CTNS: variants seen among roughly 807,000 people sequenced by gnomAD.
The protein encoded by CTNS is cystinosin, lysosomal cystine transporter.
In CTNS, 27 loss-of-function variants were observed where a neutral mutation model predicts 43.7. That is an observed-to-expected ratio of 0.62 (90% confidence interval 0.46 to 0.85). The LOEUF (loss-of-function observed/expected upper bound fraction) is 0.85, where lower values mean the gene tolerates loss of function less well. Among genes scored for constraint, CTNS ranks in the 40% least tolerant of loss-of-function variants. The pLI is 0.00. For missense variants in CTNS, 457 were observed against 475.4 expected (o/e 0.96, Z 0.36); for synonymous variants, 187 against 190.6 (o/e 0.98, Z 0.16).
chr17:3,652,824 CAT>C (rs1355733271), intron 5 of CTNS, among the ~76,000 whole-genome samples: 14 of 152,286 alleles, frequency 9.2e-5, no homozygotes, highest in African/African-American at 3.1e-4. Context: ...AGGAGTGGCA[CAT>C]GTTATGAAGA....
At chr17:3,655,484 TCC>T in intron 7 of CTNS, 132 bp downstream of exon 7, 24 of 1,407,820 alleles carry the variant, frequency 1.7e-5, no homozygotes, top group Non-Finnish European at 2.4e-5. Context: ...CAGAAAGTTG[TCC>T]CAGTGCGAAG....
intron 3 of CTNS, among the ~76,000 whole-genome samples, chr17:3,641,845 A>G (rs1256149236): frequency 6.6e-6 from 1 of 152,158 alleles, no homozygotes; most frequent in Non-Finnish European, 1.5e-5. Context: ...TTGTTAAACA[A>G]TCAGTAATGT....
chr17:3,658,229 T>C (rs1446714693), intron 10 of CTNS, 54 bp downstream of exon 10: 2 of 1,604,560 alleles, frequency 1.2e-6, no homozygotes, highest in Non-Finnish European at 1.7e-6. Context: ...GAGAGCTACA[T>C]GGCCCAGGCC....
In CTNS at chr17:3,661,023, G is replaced by T. The variant is rs886052870; in HGVS notation, c.*654G>T. 3 of 482,316 alleles carry T rather than the reference G, an allele frequency of 6.2e-6. No homozygotes were observed. Among genetic ancestry groups the T allele is most frequent in the African/African-American group, 3.9e-5 (2 of 51,386 alleles). The allele number at this position is 482,316 out of a possible 1,614,324, so 29.9% of individuals were successfully genotyped here. On this transcript the variant is annotated 3_prime_UTR_variant, in exon 12 of 12. Coordinates refer to ENST00000046640, the MANE Select transcript of CTNS (RefSeq NM_004937.3). ...GATTCATGCCCAGCGCATTAGCATA[G>T]TAACTCCTTTCAGATTTTTTGGAGG... is the stretch of plus-strand genomic sequence containing the variant.
At chr17:3,652,121 C>T (rs540037833) in intron 5 of CTNS, among the ~76,000 whole-genome samples, 10 of 152,170 alleles carry the variant, frequency 6.6e-5, no homozygotes, top group African/African-American at 9.7e-5. Context: ...CTCTACTACC[C>T]GTGATGCTGG....
At chr17:3,657,722 G>T (rs368150635) in intron 9 of CTNS, 7 of 521,112 alleles carry the variant, frequency 1.3e-5, no homozygotes, top group African/African-American at 3.8e-5. Flanking sequence ...GAACAAAGCA[G>T]ACAGAGCTTG....
At chr17:3,651,667 T>C (rs2075985648) in intron 5 of CTNS, among the ~76,000 whole-genome samples, 1 of 151,978 alleles carries the variant, frequency 6.6e-6, no homozygotes, top group African/African-American at 2.4e-5. Context: ...GTTCAGTTTT[T>C]AAAAAAGTCT....
At chr17:3,647,267 T>C (rs1287184202) in intron 3 of CTNS, among the ~76,000 whole-genome samples, 177 bp from the exon 4 acceptor site, 1 of 152,206 alleles carries the variant, frequency 6.6e-6, no homozygotes, top group Non-Finnish European at 1.5e-5. Flanking sequence ...TCTCTGTCTC[T>C]GGCAGCAGGT....
chr17:3,649,471 G>A (rs887436806), intron 5 of CTNS, among the ~76,000 whole-genome samples: 179 of 145,458 alleles, frequency 1.2e-3, no homozygotes, highest in Non-Finnish European at 2.3e-3. Flanking sequence ...AAAAAAAAAA[G>A]TTCTTACAAT....
rs550375830 is a variant in CTNS, at chr17:3,640,218, T to C, written c.12T>C (p.Asn4=). Residue 4 remains asparagine (N), a synonymous_variant, in exon 3 of 12, where the codon AAT becomes AAC. Coordinates refer to ENST00000046640, the MANE Select transcript of CTNS (RefSeq NM_004937.3). MIR[N]WLTIFILFPL... ...AGAAATCGAGAAACATGATAAGGAA[T>C]TGGCTGACTATTTTTATCCTTTTTC... The C allele has an allele frequency of 5.6e-6, 9 of 1,614,098 alleles. No individual in the cohort carries two copies. Among genetic ancestry groups the C allele is most frequent in the Non-Finnish European group, 7.6e-6 (9 of 1,179,916 alleles).
At chr17:3,642,064 CGT>C (rs139025469) in intron 3 of CTNS, among the ~76,000 whole-genome samples, 42 of 139,802 alleles carry the variant, frequency 3.0e-4, no homozygotes, top group East Asian at 8.4e-4. Context: ...TGTACCCGGG[CGT>C]GTGTGTGTGT....
At chr17:3,649,523 A>G (rs561225991) in intron 5 of CTNS, among the ~76,000 whole-genome samples, 20 of 152,166 alleles carry the variant, frequency 1.3e-4, no homozygotes, top group African/African-American at 4.1e-4. Flanking sequence ...AGGACCAGAG[A>G]ATTGGGCTTC....
At chr17:3,648,478 C>A (rs1199587455) in intron 4 of CTNS, among the ~76,000 whole-genome samples, 1 of 152,226 alleles carries the variant, frequency 6.6e-6, no homozygotes, top group Non-Finnish European at 1.5e-5. Context: ...TGCCTGAGCC[C>A]TCTCCTCCTT....
At position 3,661,645 on chromosome 17, in the gene CTNS, C is replaced by T. The variant is rs948475343; in HGVS notation, c.*1276C>T. ...CATAAGGTTGTGAAGGTCACTGACC[C>T]GAGAGCGCTGCGTGCTGACCCCACA... On this transcript the variant is annotated 3_prime_UTR_variant, in exon 12 of 12. Coordinates refer to ENST00000046640, the MANE Select transcript of CTNS (RefSeq NM_004937.3). 4.6e-5 allele frequency: 7 copies of T among 152,260 alleles called. No homozygotes were observed. The highest frequency in any genetic ancestry group is 1.2e-4 in the African/African-American group (5 of 41,464). The allele number at this position is 152,260 out of a possible 1,614,324, so 9.4% of individuals were successfully genotyped here.
intron 5 of CTNS, among the ~76,000 whole-genome samples, chr17:3,653,134 G>A (rs961776200): frequency 7.2e-5 from 11 of 152,186 alleles, no homozygotes; most frequent in Non-Finnish European, 1.2e-4. Flanking sequence ...TCGGAAGGCC[G>A]GGCATGGTGG....
Position 3,661,019 on chromosome 17 carries a change from C to G in CTNS, c.*650C>G. 1 of 490,144 alleles carries G rather than the reference C, an allele frequency of 2.0e-6. No homozygotes were observed. Among genetic ancestry groups the G allele is most frequent in the Non-Finnish European group, 3.7e-6 (1 of 268,102 alleles). The allele number at this position is 490,144 out of a possible 1,614,324, so 30.4% of individuals were successfully genotyped here. A position where few individuals can be genotyped will look rare whatever the true frequency, so the allele number is the denominator to read the frequency against. The stretch of plus-strand genomic sequence containing the variant: ...ATTGGATTCATGCCCAGCGCATTAG[C>G]ATAGTAACTCCTTTCAGATTTTTTG... On this transcript the variant is annotated 3_prime_UTR_variant, in exon 12 of 12. Transcript: ENST00000046640.
intron 3 of CTNS, among the ~76,000 whole-genome samples, chr17:3,643,817 TC>T (rs1384338023): frequency 6.6e-6 from 1 of 152,198 alleles, no homozygotes; most frequent in East Asian, 1.9e-4. Flanking sequence ...TCTGACCGCC[TC>T]AGCCTCCCAA....
rs762696954 is a variant in CTNS at position 3,659,876 on chromosome 17, T to C, written c.871T>C (p.Tyr291His). 4 of 1,613,936 alleles carry C rather than the reference T, an allele frequency of 2.5e-6. No individual in the cohort carries two copies. The South Asian group carries it at 4.4e-5, about 18-fold the overall frequency. Residue 291 changes from tyrosine to histidine, a missense_variant, in exon 11 of 12, where the codon TAC becomes CAC. Physicochemically the swap from Tyr to His is moderately conservative, Grantham distance 83. Coordinates refer to ENST00000046640, the MANE Select transcript of CTNS (RefSeq NM_004937.3). ...YFPQAYMNFY[Y>H]KSTEGWSIGN... ...GGCCCAGGCCTACATGAACTTTTAC[T>C]ACAAAAGCACTGAGGGCTGGAGCAT...
intron 3 of CTNS, 93 bp downstream of exon 3, chr17:3,640,360 A>G: frequency 1.5e-6 from 2 of 1,335,370 alleles, no homozygotes; most frequent in Non-Finnish European, 1.1e-6. Flanking sequence ...AGGGTTTAGA[A>G]TCATTCAGAC....
Sources: allele counts gnomAD v4.1 joint callset (sites outside exome capture counted in the v4.1 genomes callset), GRCh38; gene constraint gnomAD v4.1.1; transcripts MANE v1.5; gene names NCBI Gene and HGNC (gene_info 2026-07-23, HGNC 2026-07-21).